The following NCAPD2 variants were observed in gnomAD, a reference collection of about 807,000 sequenced individuals.
NCAPD2 encodes the protein condensin complex subunit 1.
NCAPD2 carries 100 observed loss-of-function variants against 164.5 expected under a neutral mutation model. That is an observed-to-expected ratio of 0.61 (90% CI 0.52 to 0.72). The LOEUF (loss-of-function observed/expected upper bound fraction) is 0.72. Ranked by LOEUF, NCAPD2 falls within the 30% of genes least tolerant of loss-of-function variation. The probability of loss-of-function intolerance (pLI) is 0.00; values close to 1 mark genes in which losing one functional copy is unlikely to be tolerated. For missense variants in NCAPD2, 1,560 were observed against 1,749.2 expected (o/e 0.89, Z 1.93); for synonymous variants, 585 against 642.6 (o/e 0.91, Z 1.36).
In NCAPD2 at chr12:6,526,214, G is replaced by A; in HGVS notation, c.2481+14G>A. 5 of 1,614,162 alleles carry A rather than the reference G, an allele frequency of 3.1e-6. No homozygotes were observed. The highest frequency in any genetic ancestry group is 3.4e-6 in the Non-Finnish European group (4 of 1,180,032). ...GACAGGAGAAAGGTATGTGGGGGTG[G>A]TTCCAAACTAAGGAGAGTGGAGATT... On this transcript the variant is annotated intron_variant, in intron 19 of 31. Coordinates refer to ENST00000315579, the MANE Select transcript of NCAPD2 (RefSeq NM_014865.4).
intron 2 of NCAPD2, among the ~76,000 whole-genome samples, chr12:6,497,353 A>G (rs1945993813): frequency 6.6e-6 from 1 of 151,266 alleles, no homozygotes; most frequent in Non-Finnish European, 1.5e-5. Context: ...TTTGTTACAT[A>G]GGTAAACGTG....
rs751255691 is a variant in NCAPD2, at chr12:6,531,116, A to G, written c.4120+40A>G. On this transcript the variant is annotated intron_variant, in intron 31 of 31. Transcript: ENST00000315579. This position sits in a 1 kb window ranked among gnomAD's most constrained non-coding sequence, Gnocchi z 4.1. The stretch of plus-strand genomic sequence containing the variant: ...CCTGTTCCCGGCCGAGAAGGCACAC[A>G]GCTAGGGTGCAGAGGGCTGGTTTCC... The G allele has an allele frequency of 1.2e-6, 2 of 1,610,666 alleles. No individual in the cohort carries two copies. The highest frequency in any genetic ancestry group is 1.7e-6 in the Non-Finnish European group (2 of 1,178,858).
intron 2 of NCAPD2, among the ~76,000 whole-genome samples, chr12:6,507,049 A>G (rs779193030): frequency 6.6e-6 from 1 of 152,244 alleles, no homozygotes; most frequent in Non-Finnish European, 1.5e-5. Context: ...TCTACATACC[A>G]TTATTCCGTA....
intron 14 of NCAPD2, among the ~76,000 whole-genome samples, chr12:6,521,551 G>A (rs1243400751): frequency 1.4e-5 from 2 of 144,194 alleles, no homozygotes; most frequent in African/African-American, 5.4e-5. Context: ...AGCCAGGTGC[G>A]GTGGCACGCA....
chr12:6,495,267 G>T, intron 2 of NCAPD2, 42 bp downstream of exon 2: 2 of 1,606,954 alleles, frequency 1.2e-6, no homozygotes, highest in South Asian at 2.2e-5. Flanking sequence ...TCTTTCAAAG[G>T]ACCATCTCAC....
At position 6,517,926 on chromosome 12, in the gene NCAPD2, G is replaced by T; in HGVS notation, c.1556G>T (p.Arg519Leu). The change falls in exon 13 of 32, where the codon CGC becomes CTC. Residue 519 changes from arginine to leucine, a missense_variant. Coordinates refer to ENST00000315579, the MANE Select transcript of NCAPD2 (RefSeq NM_014865.4). ...GAGACAACTGAAGATGTGAAAGGAC[G>T]CATCTATCAACTGCTTGCCAAAGCT... ...NTETTEDVKG[R>L]IYQLLAKASY... The T allele has an allele frequency of 1.2e-6, 2 of 1,613,986 alleles. No individual in the cohort carries two copies. Among genetic ancestry groups the T allele is most frequent in the Non-Finnish European group, 1.7e-6 (2 of 1,180,036 alleles).
chr12:6,520,166 A>AC, intron 13 of NCAPD2, among the ~76,000 whole-genome samples: 1 of 145,172 alleles, frequency 6.9e-6, no homozygotes, highest in South Asian at 2.1e-4. Context: ...GGGTGACAGA[A>AC]CAAGACTCTG....
intron 3 of NCAPD2, 116 bp from the exon 4 acceptor site, chr12:6,509,959 T>C (rs368123648): frequency 9.1e-6 from 12 of 1,317,850 alleles, no homozygotes; most frequent in African/African-American, 7.4e-5. Context: ...ATTTATTCAG[T>C]TGAACAATTT....
Position 6,522,942 on chromosome 12 carries a change from G to A in NCAPD2, c.2069G>A (p.Arg690Gln), listed in dbSNP as rs553615528. The A allele has an allele frequency of 2.4e-5, 38 of 1,614,168 alleles. No homozygotes were observed. In the South Asian group the frequency reaches 2.9e-4, roughly 12 times the overall value. Reference protein sequence around the residue: ...PLIWSKEPGVREAVLNAYRQL... With the variant: ...PLIWSKEPGVQEAVLNAYRQL... ...ATCTGGTCTAAGGAGCCTGGTGTCC[G>A]GGAAGCCGTGCTTAATGCCTACCGC... The change falls in exon 16 of 32, where the codon CGG becomes CAG. Residue 690 changes from arginine (R) to glutamine (Q), a missense_variant. Coordinates refer to ENST00000315579, the MANE Select transcript of NCAPD2 (RefSeq NM_014865.4).
chr12:6,514,414 C>T (rs755245513), intron 7 of NCAPD2, 22 bp downstream of exon 7: 31 of 1,614,064 alleles, frequency 1.9e-5, no homozygotes, highest in Non-Finnish European at 2.4e-5. Flanking sequence ...GTCGCTTTGC[C>T]CCGCCTTTTT....
Position 6,523,401 on chromosome 12 carries a change from T to TTTTG in NCAPD2, c.2214+58_2214+59insGTTT, listed in dbSNP as rs1481749285. The TTTTG allele has an allele frequency of 9.5e-4, 1,284 of 1,348,862 alleles. 9 individuals carry two copies. The highest frequency in any genetic ancestry group is 1.2e-3 in the Non-Finnish European group (1,178 of 983,176). The allele number at this position is 1,348,862 out of a possible 1,614,324, so 83.6% of individuals were successfully genotyped here. The stretch of plus-strand genomic sequence containing the variant: ...TCATTCAACAAGTATTTTGGTTGTT[T>TTTTG]TTTTTTTTTTTTTTGAGACGGAGTC... On this transcript the variant is annotated intron_variant, in intron 17 of 31. Transcript: ENST00000315579.
intron 19 of NCAPD2, 23 bp from the exon 20 acceptor site, chr12:6,526,260 ACACC>A (rs779107591): frequency 1.4e-5 from 22 of 1,614,004 alleles, no homozygotes; most frequent in Non-Finnish European, 1.5e-5. Flanking sequence ...CCCTGTACAC[ACACC>A]CACGTTGTCT....
At chr12:6,506,363 C>T (rs938341147) in intron 2 of NCAPD2, among the ~76,000 whole-genome samples, 35 of 152,104 alleles carry the variant, frequency 2.3e-4, no homozygotes, top group African/African-American at 8.2e-4. Context: ...CCAAAGTGGG[C>T]GGATCACGAG....
In NCAPD2 at chr12:6,500,965, A is replaced by G. The variant is rs139837329; in HGVS notation, c.127+5740A>G. Among the ~76,000 whole-genome samples, 17 of 151,756 alleles carry G rather than the reference A, an allele frequency of 1.1e-4. 1 individual carries two copies. Among genetic ancestry groups the G allele is most frequent in the African/African-American group, 4.1e-4 (17 of 41,354 alleles). On this transcript the variant is annotated intron_variant, in intron 2 of 31. Coordinates refer to ENST00000315579, the MANE Select transcript of NCAPD2 (RefSeq NM_014865.4). Reference sequence around the variant, plus strand: ...GTGGTGATAAAACGACTCAGGATATATTTTCAAAGTAGAGCTTTTACAGGA... The same window carrying G: ...GTGGTGATAAAACGACTCAGGATATGTTTTCAAAGTAGAGCTTTTACAGGA...
intron 2 of NCAPD2, among the ~76,000 whole-genome samples, chr12:6,503,999 TGAGG>T (rs1946064779): frequency 6.6e-6 from 1 of 151,632 alleles, no homozygotes; most frequent in Non-Finnish European, 1.5e-5. Flanking sequence ...TATATATTTG[TGAGG>T]GTGGAGCCCT....
intron 18 of NCAPD2, 152 bp downstream of exon 18, chr12:6,525,868 G>A (rs1592176850): frequency 1.6e-6 from 2 of 1,272,494 alleles, no homozygotes; most frequent in South Asian, 1.5e-5. Flanking sequence ...AATAGTGAGA[G>A]GACCAGCCCT....
chr12:6,519,582 G>C (rs961313543), intron 13 of NCAPD2, among the ~76,000 whole-genome samples: 25 of 152,206 alleles, frequency 1.6e-4, no homozygotes, highest in Non-Finnish European at 2.9e-4. Context: ...GTGGCAAGAA[G>C]ATAACATGTA....
At chr12:6,525,919 C>T in intron 18 of NCAPD2, 149 bp from the exon 19 acceptor site, 2 of 1,232,962 alleles carry the variant, frequency 1.6e-6, no homozygotes, top group East Asian at 2.4e-5. Context: ...CAACAGGACC[C>T]AAGAGGCTGG....
Position 6,521,714 on chromosome 12 carries a change from G to A in NCAPD2, c.1715-84G>A. ...AGAAAAGAAGAAGGAAAATAAATAA[G>A]TAAATATCCAGGAATGTTGACAGCT... is the stretch of plus-strand genomic sequence containing the variant. On this transcript the variant is annotated intron_variant, in intron 14 of 31. Coordinates refer to ENST00000315579, the MANE Select transcript of NCAPD2 (RefSeq NM_014865.4). 5 of 1,486,222 alleles carry A rather than the reference G, an allele frequency of 3.4e-6. No individual in the cohort carries two copies. The South Asian group carries it at 5.1e-5, about 15-fold the overall frequency. The allele number at this position is 1,486,222 out of a possible 1,614,324, so 92.1% of individuals were successfully genotyped here.
Sources: gnomAD v4.1 joint callset for allele counts (sites outside exome capture counted in the v4.1 genomes callset) on GRCh38, gnomAD v4.1.1 for gene constraint, Gnocchi (gnomAD v3.1) non-coding constraint, MANE v1.5 for transcripts, NCBI Gene and HGNC (gene_info 2026-07-23, HGNC 2026-07-21) for gene names.